Variants in PECAM1 observed in about 807,000 individuals in gnomAD.
PECAM1 encodes platelet endothelial cell adhesion molecule.
Under a neutral mutation model 13.8 loss-of-function variants are expected in PECAM1, and 8 were observed. The observed-to-expected ratio is 0.58, with a 90% CI of 0.34 to 1.05. PECAM1 has a LOEUF of 1.05. Ranked by LOEUF, PECAM1 falls within the 50% of genes least tolerant of loss-of-function variation. The pLI is 0.03. For missense variants in PECAM1, 304 were observed against 141.2 expected, an observed-to-expected ratio of 2.15 and a Z score of -5.84; for synonymous variants, 136 against 52.6, an observed-to-expected ratio of 2.58 and a Z score of -6.86.
At chr17:64,330,777 A>C (rs1418285222) in intron 14 of PECAM1, among the ~76,000 whole-genome samples, 1 of 150,794 alleles carries the variant, frequency 6.6e-6, no homozygotes, top group Non-Finnish European at 1.5e-5. Flanking sequence ...GTCATTTTCC[A>C]CTACGATTTG....
At position 64,336,893 on chromosome 17, in the gene PECAM1, AAG is replaced by A. The variant is rs869199200; in HGVS notation, c.2164+4739_2164+4740del. 3.8e-3 allele frequency among the ~76,000 whole-genome samples: 458 copies of A among 120,648 alleles called. 7 individuals carry two copies. Among genetic ancestry groups the A allele is most frequent in the Admixed American group, 0.024 (277 of 11,332 alleles). 79.1% of individuals were successfully genotyped at this position (120,648 alleles called of 152,430 possible). A position where few individuals can be genotyped will look rare whatever the true frequency, so the allele number is the denominator to read the frequency against. Reference sequence around the variant, plus strand: ...AAGAAAAGAAAAGAAAGAAGGAAGGAAGGAGAGAGAGAGAGAGAGAAAGATAG... The same window carrying A: ...AAGAAAAGAAAAGAAAGAAGGAAGGAGAGAGAGAGAGAGAGAGAAAGATAG... On this transcript the variant is annotated intron_variant, in intron 14 of 15. Coordinates refer to ENST00000563924, the MANE Select transcript of PECAM1 (RefSeq NM_000442.5).
intron 14 of PECAM1, among the ~76,000 whole-genome samples, chr17:64,341,371 G>A (rs2035425983): frequency 2.6e-5 from 4 of 152,170 alleles, no homozygotes; most frequent in African/African-American, 9.7e-5. Context: ...CCAGCCACCA[G>A]GGCCTGTGTG....
chr17:64,345,728 A>G (rs2035549040), intron 13 of PECAM1, among the ~76,000 whole-genome samples: 1 of 151,260 alleles, frequency 6.6e-6, no homozygotes, highest in South Asian at 2.1e-4. Context: ...AAAAAAAAAA[A>G]AAAAATGAGG....
At chr17:64,348,407 C>CTT (rs869282884) in intron 12 of PECAM1, 85 bp from the exon 13 acceptor site, 11,101 of 293,916 alleles carry the variant, frequency 0.038, 883 homozygotes, top group African/African-American at 0.2. Flanking sequence ...ACTTTCTTTT[C>CTT]TTTTTTTTTT....
intron 13 of PECAM1, among the ~76,000 whole-genome samples, chr17:64,344,114 C>G (rs2035503169): frequency 6.6e-6 from 1 of 152,058 alleles, no homozygotes; most frequent in Non-Finnish European, 1.5e-5. Context: ...AGCTCACCCT[C>G]CGACCCAGGC....
chr17:64,352,631 T>G (rs2035751974), intron 10 of PECAM1, among the ~76,000 whole-genome samples, 168 bp from the exon 11 acceptor site: 1 of 150,250 alleles, frequency 6.7e-6, no homozygotes, highest in Non-Finnish European at 1.5e-5. Context: ...AAATATTTTT[T>G]GGCAGCTCCA....
intron 2 of PECAM1, among the ~76,000 whole-genome samples, chr17:64,383,990 G>T (rs1356053578): frequency 6.6e-6 from 1 of 152,100 alleles, no homozygotes; most frequent in African/African-American, 2.4e-5. Flanking sequence ...AATTAGCCGG[G>T]CATGGTAGCG....
chr17:64,378,695 C>G (rs1424213806), intron 2 of PECAM1: 1 of 152,054 alleles, frequency 6.6e-6, no homozygotes, highest in Admixed American at 6.6e-5. Context: ...CATCTTGGCC[C>G]CTGGAGGGAG....
At chr17:64,363,006 T>C in intron 6 of PECAM1, 143 bp downstream of exon 6, 1 of 438,694 alleles carries the variant, frequency 2.3e-6, no homozygotes, top group Non-Finnish European at 4.1e-6. Flanking sequence ...CCTTGTTTCT[T>C]TGGCCTTTGA....
intron 13 of PECAM1, among the ~76,000 whole-genome samples, chr17:64,347,726 T>TATA: frequency 7.1e-6 from 1 of 140,782 alleles, no homozygotes; most frequent in African/African-American, 2.7e-5. Flanking sequence ...ATTATATATT[T>TATA]TATATATATA....
At chr17:64,342,753 G>T in intron 13 of PECAM1, among the ~76,000 whole-genome samples, 1 of 152,180 alleles carries the variant, frequency 6.6e-6, no homozygotes, top group East Asian at 1.9e-4. Context: ...CGCCCTTCCT[G>T]CCATCTGTTT....
chr17:64,359,725 T>C (rs1376738820), intron 7 of PECAM1, among the ~76,000 whole-genome samples: 2 of 151,092 alleles, frequency 1.3e-5, no homozygotes, highest in African/African-American at 2.4e-5. Flanking sequence ...ATCTAGTATA[T>C]GGACTTTGCA....
intron 10 of PECAM1, 86 bp from the exon 11 acceptor site, chr17:64,352,549 A>G (rs2035749665): frequency 2.5e-6 from 1 of 405,960 alleles, no homozygotes; most frequent in African/African-American, 2.1e-5. Flanking sequence ...CAAAGTAAAC[A>G]AGGGAAGATC....
chr17:64,322,033 T>G lies in PECAM1; in HGVS notation c.*1783A>C. ...GACATTTTCGTGATACAACTCGGTG[T>G]GTGTGTGTTGGGGAAAGGAACCAAC... is the stretch of plus-strand genomic sequence containing the variant. On this transcript the variant is annotated 3_prime_UTR_variant, in exon 16 of 16. Coordinates refer to ENST00000563924, the MANE Select transcript of PECAM1 (RefSeq NM_000442.5). 8.5e-7 allele frequency: 1 copy of G among 1,182,662 alleles called. No individual in the cohort carries two copies. Among genetic ancestry groups the G allele is most frequent in the South Asian group, 1.5e-5 (1 of 64,994 alleles). 73.3% of individuals were successfully genotyped at this position (1,182,662 alleles called of 1,614,324 possible). A position where few individuals can be genotyped will look rare whatever the true frequency, so the allele number is the denominator to read the frequency against.
chr17:64,323,984 G>T, intron 15 of PECAM1, 139 bp from the exon 16 acceptor site: 1 of 813,326 alleles, frequency 1.2e-6, no homozygotes, highest in Non-Finnish European at 2.2e-6. Flanking sequence ...CCCCCACCCT[G>T]CAGGGTTCTC....
chr17:64,339,305 C>T (rs1168514844), intron 14 of PECAM1, among the ~76,000 whole-genome samples: 3 of 152,158 alleles, frequency 2.0e-5, no homozygotes, highest in Non-Finnish European at 4.4e-5. Flanking sequence ...TGATCTTGGG[C>T]AAGCGTCTTA....
At chr17:64,325,313 G>A (rs1227029112) in intron 15 of PECAM1, among the ~76,000 whole-genome samples, 8 of 152,272 alleles carry the variant, frequency 5.3e-5, no homozygotes, top group African/African-American at 1.4e-4. Context: ...GCGTGAACCC[G>A]GGAGGCGGAG....
chr17:64,389,190 A>G (rs2036664793), intron 2 of PECAM1, among the ~76,000 whole-genome samples: 1 of 152,146 alleles, frequency 6.6e-6, no homozygotes, highest in Admixed American at 6.5e-5. Flanking sequence ...AGCCTTGCCC[A>G]TGGACTTCAC....
chr17:64,359,909 T>C (rs1173378842), intron 7 of PECAM1, among the ~76,000 whole-genome samples: 1 of 152,096 alleles, frequency 6.6e-6, no homozygotes, highest in Non-Finnish European at 1.5e-5. Context: ...CACGCCACCA[T>C]GCCCAGCTAA....
Sources: gnomAD v4.1 joint callset for allele counts (sites outside exome capture counted in the v4.1 genomes callset) on GRCh38, gnomAD v4.1.1 for gene constraint, MANE v1.5 for transcripts, NCBI Gene and HGNC (gene_info 2026-07-23, HGNC 2026-07-21) for gene names.